Variants in DOCK7 observed in about 807,000 individuals in gnomAD.
The protein encoded by DOCK7 is dedicator of cytokinesis 7.
A neutral mutation model predicts 271.0 loss-of-function variants in DOCK7; 138 were observed. That is an observed-to-expected ratio of 0.51 (90% CI 0.44 to 0.59). The LOEUF is 0.59. Among genes scored for constraint, DOCK7 ranks in the 20% least tolerant of loss-of-function variants. The pLI is 0.00. For missense variants in DOCK7, 2,066 were observed against 2,592.4 expected (o/e 0.80, Z 4.41); for synonymous variants, 823 against 876.1 (o/e 0.94, Z 1.07).
At chr1:62,571,463 AT>A (rs1199607395) in intron 18 of DOCK7, among the ~76,000 whole-genome samples, 91 of 152,328 alleles carry the variant, frequency 6.0e-4, no homozygotes, top group African/African-American at 2.0e-3. Context: ...GGGAGGGTAA[AT>A]TAGTTCAATA....
intron 49 of DOCK7, 163 bp from the exon 50 acceptor site, chr1:62,455,619 T>G: frequency 1.5e-6 from 1 of 650,710 alleles, no homozygotes. Context: ...GCCTTATATT[T>G]TGGCTTATAG....
At chr1:62,597,628 A>G in intron 14 of DOCK7, 2 of 1,612,674 alleles carry the variant, frequency 1.2e-6, no homozygotes, top group Non-Finnish European at 1.7e-6. Context: ...AGAATTGATC[A>G]AGACAATTCA....
chr1:62,629,049 C>T (rs1654293216), intron 11 of DOCK7: 1 of 152,174 alleles, frequency 6.6e-6, no homozygotes, highest in East Asian at 1.9e-4. Flanking sequence ...TTCACTTGCA[C>T]TAGAATGACT....
At chr1:62,648,586 T>G (rs1186011573) in intron 4 of DOCK7, 42 bp from the exon 5 acceptor site, 1 of 1,122,992 alleles carries the variant, frequency 8.9e-7, no homozygotes, top group Non-Finnish European at 1.2e-6. Flanking sequence ...ACTATCAAAC[T>G]TAGGAATTTT....
chr1:62,551,796 G>A (rs564413832), intron 22 of DOCK7, among the ~76,000 whole-genome samples: 2 of 151,028 alleles, frequency 1.3e-5, no homozygotes, highest in South Asian at 4.2e-4. Context: ...TTATATATTT[G>A]TATATATTTT....
chr1:62,502,135 C>CT, intron 37 of DOCK7, among the ~76,000 whole-genome samples: 1 of 151,746 alleles, frequency 6.6e-6, no homozygotes, highest in Non-Finnish European at 1.5e-5. Flanking sequence ...ATATTGTTGA[C>CT]TTTTTTTATT....
chr1:62,639,589 C>T (rs1193732694), intron 7 of DOCK7, among the ~76,000 whole-genome samples: 1 of 151,882 alleles, frequency 6.6e-6, no homozygotes, highest in African/African-American at 2.4e-5. Context: ...CGCATGCCAC[C>T]ACACCCAGCC....
chr1:62,615,461 T>C (rs1652323735), intron 14 of DOCK7, among the ~76,000 whole-genome samples: 1 of 151,842 alleles, frequency 6.6e-6, no homozygotes, highest in Non-Finnish European at 1.5e-5. Flanking sequence ...ATTTAACCAA[T>C]GTCTGTTAAC....
chr1:62,648,801 T>G (rs1656986503), intron 4 of DOCK7, among the ~76,000 whole-genome samples: 1 of 152,130 alleles, frequency 6.6e-6, no homozygotes, highest in African/African-American at 2.4e-5. Flanking sequence ...TAAATTAAGC[T>G]GTACTTTCAA....
intron 43 of DOCK7, chr1:62,485,178 C>G (rs1646256809): frequency 1.0e-6 from 1 of 985,122 alleles, no homozygotes; most frequent in Non-Finnish European, 1.2e-6. Context: ...CTTTTACTTC[C>G]TACTATTTCG....
intron 14 of DOCK7, among the ~76,000 whole-genome samples, chr1:62,606,700 A>G (rs939034096): frequency 6.6e-6 from 1 of 151,938 alleles, no homozygotes; most frequent in Non-Finnish European, 1.5e-5. Context: ...TTCCTTTCTC[A>G]TATTTAGTAC....
intron 2 of DOCK7, among the ~76,000 whole-genome samples, chr1:62,655,441 T>C (rs1028720665): frequency 6.6e-6 from 1 of 151,500 alleles, no homozygotes; most frequent in African/African-American, 2.4e-5. Context: ...TTTTTTTTTT[T>C]TGAGACGGGC....
At chr1:62,483,174 A>G (rs1278162740) in intron 43 of DOCK7, 1 of 70,172 alleles carries the variant, frequency 1.4e-5, no homozygotes, top group African/African-American at 4.7e-5. Context: ...TGCCCAGCTA[A>G]TTTTTTTTTT....
rs1439663674 is a variant in DOCK7, at chr1:62,612,526, C to T, written c.1682+6180G>A. On this transcript the variant is annotated intron_variant, in intron 14 of 49. Transcript: ENST00000635253. ...AATCTGCACATTCTGCACTTGTATCCCGGAACTTAAAGTAAAATAAAATTA... is the reference window on the plus strand; with the variant it reads ...AATCTGCACATTCTGCACTTGTATCTCGGAACTTAAAGTAAAATAAAATTA... Among the ~76,000 whole-genome samples, 11 of 151,910 alleles carry T rather than the reference C, an allele frequency of 7.2e-5. 1 individual carries two copies. The highest frequency in any genetic ancestry group is 7.2e-4 in the Admixed American group (11 of 15,238).
At chr1:62,640,280 G>A (rs553460090) in intron 7 of DOCK7, among the ~76,000 whole-genome samples, 3 of 152,050 alleles carry the variant, frequency 2.0e-5, no homozygotes, top group Non-Finnish European at 4.4e-5. Flanking sequence ...TTGGGAGGCC[G>A]AGGCAGGTGG....
chr1:62,519,006 T>TATACACACAC (rs1553161265), intron 31 of DOCK7, among the ~76,000 whole-genome samples: 1 of 148,130 alleles, frequency 6.8e-6, no homozygotes, highest in African/African-American at 2.5e-5. Context: ...AGTCATGCTA[T>TATACACACAC]ACACACACAC....
intron 1 of DOCK7, among the ~76,000 whole-genome samples, chr1:62,678,208 G>A (rs1000892262): frequency 6.6e-6 from 1 of 150,992 alleles, no homozygotes; most frequent in African/African-American, 2.4e-5. Flanking sequence ...AATAGCAATG[G>A]TATCAATCTA....
At chr1:62,578,041 A>T (rs1406988933) in intron 17 of DOCK7, among the ~76,000 whole-genome samples, 1 of 151,898 alleles carries the variant, frequency 6.6e-6, no homozygotes, top group Non-Finnish European at 1.5e-5. Flanking sequence ...CTCCCATCTC[A>T]GCCTCCCTAG....
rs201004038 is a variant in DOCK7 at position 62,528,205 on chromosome 1, T to C, written c.3882A>G (p.Ala1294=). Residue 1294 remains alanine, a synonymous_variant, in exon 31 of 50, where the codon GCA becomes GCG. Coordinates refer to ENST00000635253, the MANE Select transcript of DOCK7 (RefSeq NM_001367561.1). ...MISQTVAMAI[A]GTSVPQLTRP... ...TTGTTAGTTGAGGGACCGATGTCCC[T>C]GCGATTGCCATGGCAACGGTCTGGC... The C allele has an allele frequency of 2.5e-6, 4 of 1,613,914 alleles. No homozygotes were observed. The highest frequency in any genetic ancestry group is 2.2e-5 in the East Asian group (1 of 44,840).
Sources: allele counts gnomAD v4.1 joint callset (sites outside exome capture counted in the v4.1 genomes callset), GRCh38; gene constraint gnomAD v4.1.1; transcripts MANE v1.5; gene names NCBI Gene and HGNC (gene_info 2026-07-23, HGNC 2026-07-21).